The following ALDH9A1 variants were observed in gnomAD, a reference collection of about 807,000 sequenced individuals.
ALDH9A1 encodes the protein 4-trimethylaminobutyraldehyde dehydrogenase.
In ALDH9A1, 42 loss-of-function variants were observed where a neutral mutation model predicts 56.6. The ratio of observed to expected loss-of-function variants is 0.74; its 90% confidence interval spans 0.58 to 0.96. ALDH9A1 has a LOEUF of 0.96. Ranked by LOEUF, ALDH9A1 falls within the 40% of genes least tolerant of loss-of-function variation. ALDH9A1 has a pLI of 0.00. For missense variants in ALDH9A1, 661 were observed against 651.5 expected (o/e 1.01, Z -0.16); for synonymous variants, 242 against 236.0 (o/e 1.03, Z -0.23).
chr1:165,665,119 C>A lies in ALDH9A1; in HGVS notation c.1361G>T (p.Arg454Leu), dbSNP rs142168163. 5 of 1,613,212 alleles carry A rather than the reference C, an allele frequency of 3.1e-6. No homozygotes were observed. The Admixed American group carries it at 8.3e-5, about 27-fold the overall frequency. The change falls in exon 10 of 11, where the codon CGG (arginine) becomes CTG (leucine). Residue 454 changes from arginine to leucine, a missense_variant. Transcript: ENST00000354775. The part of the protein sequence containing the change: ...AAGVFTRDIQ[R>L]AHRVVAELQA... Reference sequence around the variant, plus strand: ...AAGCTCAGCTACCACTCTATGAGCCCGTTGGATGTCCCTATGAAGAAAAAA... The same window carrying A: ...AAGCTCAGCTACCACTCTATGAGCCAGTTGGATGTCCCTATGAAGAAAAAA...
chr1:165,671,240 C>T (rs1649169471), intron 6 of ALDH9A1: 1 of 210,040 alleles, frequency 4.8e-6, no homozygotes, highest in Non-Finnish European at 9.8e-6. Flanking sequence ...CCTTTTGCTG[C>T]CTGACAGCTG....
At chr1:165,694,647 T>C (rs1253299408) in intron 2 of ALDH9A1, among the ~76,000 whole-genome samples, 1 of 152,104 alleles carries the variant, frequency 6.6e-6, no homozygotes, top group Non-Finnish European at 1.5e-5. Context: ...AGGAAACAAG[T>C]AAACCACATG....
At chr1:165,664,764 GA>G (rs1354849535) in intron 10 of ALDH9A1, among the ~76,000 whole-genome samples, 3 of 152,178 alleles carry the variant, frequency 2.0e-5, no homozygotes, top group African/African-American at 7.2e-5. Flanking sequence ...ACCTTTTTGA[GA>G]TATCTATCAG....
At position 165,680,478 on chromosome 1, in the gene ALDH9A1, T is replaced by C. The variant is rs16849374; in HGVS notation, c.789+9A>G. Reference sequence around the variant, plus strand: ...CATGTGTGTTGACCAATACTGGTTTTGTCCTCACCTTCATGCCAGTGGGCA... The same window carrying C: ...CATGTGTGTTGACCAATACTGGTTTCGTCCTCACCTTCATGCCAGTGGGCA... On this transcript the variant is annotated intron_variant, in intron 5 of 10. Coordinates refer to ENST00000354775, the MANE Select transcript of ALDH9A1 (RefSeq NM_000696.4). The C allele has an allele frequency of 0.061, 98,367 of 1,613,308 alleles. 6,664 individuals carry two copies. The highest frequency in any genetic ancestry group is 0.33 in the African/African-American group (24,663 of 74,908).
chr1:165,672,993 A>G (rs903689793), intron 6 of ALDH9A1, among the ~76,000 whole-genome samples: 1 of 150,890 alleles, frequency 6.6e-6, no homozygotes, highest in African/African-American at 2.4e-5. Flanking sequence ...ACACACACAC[A>G]CACACACACA....
rs746880243 is a variant in ALDH9A1 at position 165,682,143 on chromosome 1, T to A, written c.556A>T (p.Ile186Phe). Residue 186 changes from isoleucine (I) to phenylalanine (F), a missense_variant, in exon 4 of 11, where the codon ATT becomes TTT. Transcript: ENST00000354775. ...GCTGGAGCCGACTTCCAAGAGGCAA[T>A]CTGAAAGGGGTAGTTCCATGCTCCT... is the stretch of plus-strand genomic sequence containing the variant. ...GIGAWNYPFQ[I>F]ASWKSAPALA... The A allele has an allele frequency of 6.2e-7, 1 of 1,614,126 alleles. No individual in the cohort carries two copies. The highest frequency in any genetic ancestry group is 1.1e-5 in the South Asian group (1 of 91,086).
At chr1:165,695,807 T>C (rs986773248) in intron 1 of ALDH9A1, among the ~76,000 whole-genome samples, 3 of 151,956 alleles carry the variant, frequency 2.0e-5, no homozygotes, top group African/African-American at 7.3e-5. Flanking sequence ...TTTTTATGTA[T>C]GGTTTGATTT....
At chr1:165,680,721 T>C (rs768405399) in intron 4 of ALDH9A1, 38 bp from the exon 5 acceptor site, 1 of 1,546,880 alleles carries the variant, frequency 6.5e-7, no homozygotes, top group African/African-American at 1.4e-5. Context: ...AAAGACTTTC[T>C]AAGACCAGTG....
chr1:165,689,513 A>G (rs1538115), intron 2 of ALDH9A1, among the ~76,000 whole-genome samples: 105,666 of 152,068 alleles, frequency 0.69, 37,019 homozygotes, highest in East Asian at 0.98. Context: ...TGTGCCAGTA[A>G]TTTCTATTTA....
chr1:165,668,996 A>G lies in ALDH9A1; in HGVS notation c.1137T>C (p.Cys379=), dbSNP rs764388779. 6 of 1,610,164 alleles carry G rather than the reference A, an allele frequency of 3.7e-6. No individual in the cohort carries two copies. The Admixed American group carries it at 6.7e-5, about 18-fold the overall frequency. The change falls in exon 8 of 11, where the codon TGT becomes TGC. Residue 379 remains cysteine (C), a synonymous_variant. Transcript: ENST00000354775. ...VAKEQGAKVL[C]GGDIYVPEDP... ...CTTCAGGTACATATATATCTCCACC[A>G]CATAACACTTTAGCACCCTGCCGAA...
intron 7 of ALDH9A1, 72 bp from the exon 8 acceptor site, chr1:165,669,085 T>C (rs1284517567): frequency 1.4e-6 from 2 of 1,418,786 alleles, no homozygotes; most frequent in East Asian, 4.6e-5. Flanking sequence ...ATGTTAATTG[T>C]ATCCCGAACA....
chr1:165,695,433 T>G, intron 1 of ALDH9A1, 36 bp from the exon 2 acceptor site: 1 of 1,530,460 alleles, frequency 6.5e-7, no homozygotes, highest in Non-Finnish European at 8.7e-7. Flanking sequence ...TAACTCAAAT[T>G]GTTGCCACAT....
chr1:165,670,669 TA>T (rs1649148220), intron 6 of ALDH9A1, among the ~76,000 whole-genome samples: 3 of 152,210 alleles, frequency 2.0e-5, no homozygotes, highest in Admixed American at 6.5e-5. Flanking sequence ...TCACTAATTT[TA>T]AAAAACTCTT....
intron 6 of ALDH9A1, chr1:165,671,575 G>A (rs750461589): frequency 1.5e-5 from 7 of 460,596 alleles, no homozygotes; most frequent in Non-Finnish European, 2.9e-5. Context: ...CTGTTCAAAA[G>A]CTTCTTGAGA....
chr1:165,683,020 A>G lies in ALDH9A1; in HGVS notation c.418T>C (p.Cys140Arg), dbSNP rs1210303314. 2 of 1,614,122 alleles carry G rather than the reference A, an allele frequency of 1.2e-6. No homozygotes were observed. Among genetic ancestry groups the G allele is most frequent in the Non-Finnish European group, 8.5e-7 (1 of 1,179,990 alleles). Residue 140 changes from cysteine (C) to arginine (R), a missense_variant, in exon 3 of 11, where the codon TGC becomes CGC. Coordinates refer to ENST00000354775, the MANE Select transcript of ALDH9A1 (RefSeq NM_000696.4). ...GCCAAGCCCGCATAATACTCCAGGC[A>G]CTGCCAGGAAATGTCAATGTCCAAG... ...ARLDIDISWQ[C>R]LEYYAGLAAS...
chr1:165,690,734 C>T (rs113209414), intron 2 of ALDH9A1, among the ~76,000 whole-genome samples: 1 of 152,198 alleles, frequency 6.6e-6, no homozygotes, highest in Admixed American at 6.5e-5. Context: ...TCGGCGGGTC[C>T]CCCACCCATG....
chr1:165,692,266 G>A (rs1370446167), intron 2 of ALDH9A1, among the ~76,000 whole-genome samples: 1 of 152,096 alleles, frequency 6.6e-6, no homozygotes, highest in African/African-American at 2.4e-5. Flanking sequence ...TTAGGAGGAA[G>A]TCAAATTGTC....
intron 6 of ALDH9A1, among the ~76,000 whole-genome samples, chr1:165,674,680 C>T (rs931471844): frequency 5.0e-5 from 5 of 100,058 alleles, no homozygotes; most frequent in East Asian, 2.9e-4. Context: ...AGTGAGACTC[C>T]GAATCAAAAA....
intron 9 of ALDH9A1, chr1:165,665,348 G>A: frequency 6.1e-6 from 3 of 492,634 alleles, no homozygotes; most frequent in Middle Eastern, 5.6e-4. Flanking sequence ...CAGCAATAAG[G>A]GTACCAAAAT....
Sources: gnomAD v4.1 joint callset for allele counts (sites outside exome capture counted in the v4.1 genomes callset) on GRCh38, gnomAD v4.1.1 for gene constraint, MANE v1.5 for transcripts, NCBI Gene and HGNC (gene_info 2026-07-23, HGNC 2026-07-21) for gene names.